Variants in SLC8A1 observed in about 807,000 individuals in gnomAD.
The protein encoded by SLC8A1 is sodium/calcium exchanger 1.
SLC8A1 carries 18 observed loss-of-function variants against 68.3 expected under a neutral mutation model. That is an observed-to-expected ratio of 0.26 (90% confidence interval 0.18 to 0.39). The LOEUF (loss-of-function observed/expected upper bound fraction) is 0.39. SLC8A1 is among the 10% of genes least tolerant of loss of function. The pLI is 1.00. For missense variants in SLC8A1, 985 were observed against 1,156.7 expected, an observed-to-expected ratio of 0.85 and a Z score of 2.15; for synonymous variants, 475 against 415.5, an observed-to-expected ratio of 1.14 and a Z score of -1.74.
chr2:40,234,758 T>C, intron 2 of SLC8A1, among the ~76,000 whole-genome samples: 1 of 152,154 alleles, frequency 6.6e-6, no homozygotes, highest in Non-Finnish European at 1.5e-5. Context: ...GCTCTTATTA[T>C]TTTGAAATAC....
intron 2 of SLC8A1, among the ~76,000 whole-genome samples, chr2:40,210,558 C>T (rs566117877): frequency 7.2e-4 from 109 of 152,202 alleles, no homozygotes; most frequent in Admixed American, 1.1e-3. Flanking sequence ...ATGCTTTCTT[C>T]GGAATTTTAA....
At chr2:40,375,104 T>C (rs2149524046) in intron 2 of SLC8A1, among the ~76,000 whole-genome samples, 1 of 152,162 alleles carries the variant, frequency 6.6e-6, no homozygotes, top group Admixed American at 6.5e-5. Flanking sequence ...ACTGTTTTGG[T>C]AAGTTGATGC....
rs1353304860 is a variant in SLC8A1 at position 40,339,517 on chromosome 2, T to C, written c.1808+88956A>G. Among the ~76,000 whole-genome samples, 4 of 152,202 alleles carry C rather than the reference T, an allele frequency of 2.6e-5. No individual in the cohort carries two copies. In the East Asian group the frequency reaches 7.7e-4, roughly 29 times the overall value. On this transcript the variant is annotated intron_variant, in intron 2 of 7. Transcript: ENST00000406785. ...GTTCTAGAAACATATATTCTACCAT[T>C]TTCACTGTACCAGATTGTGAAAAGA...
chr2:40,505,435 C>T (rs943706026), intron 1 of SLC8A1, among the ~76,000 whole-genome samples: 1 of 151,806 alleles, frequency 6.6e-6, no homozygotes, highest in Non-Finnish European at 1.5e-5. Context: ...ATGCCTGTAT[C>T]CAAACATCTC....
At chr2:40,279,391 G>T (rs920863161) in intron 2 of SLC8A1, among the ~76,000 whole-genome samples, 2 of 152,152 alleles carry the variant, frequency 1.3e-5, no homozygotes, top group African/African-American at 4.8e-5. Flanking sequence ...ACAGAAAGTG[G>T]CTCTTGAATA....
intron 6 of SLC8A1, 22 bp from the exon 10 acceptor site, chr2:40,139,698 A>T: frequency 6.2e-7 from 1 of 1,603,886 alleles, no homozygotes; most frequent in Non-Finnish European, 8.5e-7. Flanking sequence ...GGAAGGAAGC[A>T]CATTTCATCA....
At chr2:40,376,261 G>T (rs185955868) in intron 2 of SLC8A1, among the ~76,000 whole-genome samples, 24 of 152,108 alleles carry the variant, frequency 1.6e-4, no homozygotes, top group African/African-American at 4.8e-4. Context: ...GTACCTCAAC[G>T]GTTTCTGTCT....
chr2:40,344,668 C>T (rs181904898), intron 2 of SLC8A1, among the ~76,000 whole-genome samples: 5 of 152,268 alleles, frequency 3.3e-5, no homozygotes. Context: ...ATTCACAGAG[C>T]TTCAGGTCTC....
intron 2 of SLC8A1, among the ~76,000 whole-genome samples, chr2:40,357,948 G>C (rs976284604): frequency 6.7e-6 from 1 of 148,666 alleles, no homozygotes; most frequent in African/African-American, 2.5e-5. Context: ...TGTGCTGCCA[G>C]ATATTTTATC....
At chr2:40,367,022 G>A (rs547387147) in intron 2 of SLC8A1, among the ~76,000 whole-genome samples, 1 of 151,854 alleles carries the variant, frequency 6.6e-6, no homozygotes, top group East Asian at 1.9e-4. Context: ...TTAAAGTTTT[G>A]AGGGTGTGGT....
rs141566492 is a variant in SLC8A1, at chr2:40,392,740, G to A, written c.1808+35733C>T. ...ATGAAATGCCAATGATCACAGTACC[G>A]GAAAAAAGAAAACGGAGAAGAGGAC... On this transcript the variant is annotated intron_variant, in intron 2 of 7. Coordinates refer to ENST00000406785, the Ensembl canonical transcript of SLC8A1. Among the ~76,000 whole-genome samples, 377 of 152,016 alleles carry A rather than the reference G, an allele frequency of 2.5e-3. 4 individuals are homozygous for A. Among genetic ancestry groups the A allele is most frequent in the African/African-American group, 8.1e-3 (336 of 41,490 alleles).
chr2:40,202,130 C>A (rs188663820), intron 2 of SLC8A1, among the ~76,000 whole-genome samples: 5 of 152,050 alleles, frequency 3.3e-5, no homozygotes, highest in African/African-American at 1.2e-4. Flanking sequence ...GAGCAAAGTG[C>A]AAGGAATGAA....
At chr2:40,252,822 ATG>A (rs1190243749) in intron 2 of SLC8A1, among the ~76,000 whole-genome samples, 1 of 138,060 alleles carries the variant, frequency 7.2e-6, no homozygotes, top group Non-Finnish European at 1.5e-5. Context: ...ATACATATAT[ATG>A]TATATACATG....
At chr2:40,388,642 T>G (rs550049850) in intron 2 of SLC8A1, among the ~76,000 whole-genome samples, 2 of 152,300 alleles carry the variant, frequency 1.3e-5, no homozygotes, top group African/African-American at 4.8e-5. Context: ...GACAATTTTG[T>G]TGGAAATTTT....
chr2:40,162,452 A>T (rs1269760882), intron 5 of SLC8A1, among the ~76,000 whole-genome samples: 1 of 152,214 alleles, frequency 6.6e-6, no homozygotes, highest in East Asian at 1.9e-4. Flanking sequence ...GAAATAAACA[A>T]TTGAACAGAT....
At chr2:40,177,645 T>C (rs1014174890) in intron 3 of SLC8A1, 7 of 697,580 alleles carry the variant, frequency 1.0e-5, no homozygotes, top group Non-Finnish European at 1.8e-5. Context: ...CAATGAAGTA[T>C]AGTACTTGGA....
intron 2 of SLC8A1, among the ~76,000 whole-genome samples, chr2:40,342,815 G>A: frequency 6.6e-6 from 1 of 152,138 alleles, no homozygotes; most frequent in African/African-American, 2.4e-5. Flanking sequence ...TTACTAAACA[G>A]ATCACTCACT....
rs899017964 is a variant in SLC8A1 at position 40,417,620 on chromosome 2, C to T, written c.1808+10853G>A. 3.9e-5 allele frequency among the ~76,000 whole-genome samples: 6 copies of T among 152,048 alleles called. No individual in the cohort carries two copies. In the East Asian group the frequency reaches 1.2e-3, roughly 29 times the overall value. On this transcript the variant is annotated intron_variant, in intron 2 of 7. Coordinates refer to ENST00000406785, the Ensembl canonical transcript of SLC8A1. ...ACCTCTCCGGCTCAAGTGATCTTCC[C>T]ACCTCAGCCTCCTTAGTAGCTGAGA... is the stretch of plus-strand genomic sequence containing the variant.
At chr2:40,431,140 G>A (rs1407717804) in intron 1 of SLC8A1, among the ~76,000 whole-genome samples, 1 of 152,056 alleles carries the variant, frequency 6.6e-6, no homozygotes, top group Non-Finnish European at 1.5e-5. Flanking sequence ...TCTGTGTACA[G>A]AGCCTGTTTT....
Sources: gnomAD v4.1 joint callset for allele counts (sites outside exome capture counted in the v4.1 genomes callset) on GRCh38, gnomAD v4.1.1 for gene constraint, MANE v1.5 for transcripts, NCBI Gene and HGNC (gene_info 2026-07-23, HGNC 2026-07-21) for gene names.